PALM: variants seen among roughly 807,000 people sequenced by gnomAD.
PALM encodes paralemmin-1.
Under a neutral mutation model 30.7 loss-of-function variants are expected in PALM, and 18 were observed. That is an observed-to-expected ratio of 0.59 (90% CI 0.41 to 0.87). The LOEUF is 0.87. Among genes scored for constraint, PALM ranks in the 40% least tolerant of loss-of-function variants. The probability of loss-of-function intolerance (pLI) is 0.00; values close to 1 mark genes in which losing one functional copy is unlikely to be tolerated. For missense variants in PALM, 529 were observed against 555.4 expected (o/e 0.95, Z 0.48); for synonymous variants, 286 against 242.8 (o/e 1.18, Z -1.66).
chr19:710,156 C>T (rs1322709818), intron 1 of PALM, among the ~76,000 whole-genome samples: 1 of 152,126 alleles, frequency 6.6e-6, no homozygotes, highest in African/African-American at 2.4e-5. Context: ...GATCTGGAGG[C>T]CGCCTGTGGC....
intron 7 of PALM, among the ~76,000 whole-genome samples, chr19:738,622 A>T (rs2033094723): frequency 6.6e-6 from 1 of 151,708 alleles, no homozygotes; most frequent in South Asian, 2.1e-4. Context: ...AGTGTTATGG[A>T]CGTGTGAGAG....
chr19:746,774 A>G lies in PALM; in HGVS notation c.1124A>G (p.Asp375Gly), dbSNP rs1482984496. The G allele has an allele frequency of 3.2e-6, 5 of 1,583,860 alleles. No individual in the cohort carries two copies. The East Asian group carries it at 1.1e-4, about 36-fold the overall frequency. Reference sequence around the variant, plus strand: ...ACCACCAGCGACCCCCAGGACCTCGACATGAAGAAGCACCGTTGTAAATGC... The same window carrying G: ...ACCACCAGCGACCCCCAGGACCTCGGCATGAAGAAGCACCGTTGTAAATGC... ...EATTSDPQDL[D>G]MKKHRCKCCS... Residue 375 changes from aspartate to glycine, a missense_variant, in exon 9 of 9, where the codon GAC becomes GGC. Physicochemically the swap from Asp to Gly is moderately conservative, Grantham distance 94. Transcript: ENST00000338448. This position sits in a 1 kb window ranked among gnomAD's most constrained non-coding sequence, Gnocchi z 7.1.
chr19:734,941 A>T, intron 6 of PALM: 1 of 406,636 alleles, frequency 2.5e-6, no homozygotes, highest in Non-Finnish European at 3.3e-6. Flanking sequence ...GTTGTGTGTT[A>T]ATTATTCATA....
intron 5 of PALM, among the ~76,000 whole-genome samples, chr19:733,300 G>C (rs898153669): frequency 6.6e-6 from 1 of 152,198 alleles, no homozygotes; most frequent in South Asian, 2.1e-4. Context: ...GCATGGACTA[G>C]TGCTGTCATG....
intron 7 of PALM, among the ~76,000 whole-genome samples, 188 bp from the exon 8 acceptor site, chr19:740,164 G>A (rs1024651165): frequency 6.6e-6 from 1 of 152,214 alleles, no homozygotes; most frequent in Non-Finnish European, 1.5e-5. Flanking sequence ...CAGGCACTGG[G>A]GAGCTATGGA....
intron 7 of PALM, among the ~76,000 whole-genome samples, chr19:737,867 G>A (rs1019160163): frequency 4.6e-5 from 7 of 152,092 alleles, no homozygotes; most frequent in Admixed American, 6.6e-5. Context: ...GGCTTTTCCC[G>A]GGAGGGAGGC....
chr19:734,057 G>A (rs931611019), intron 5 of PALM, 116 bp from the exon 6 acceptor site: 3 of 832,130 alleles, frequency 3.6e-6, no homozygotes, highest in Non-Finnish European at 6.1e-6. Context: ...ATGAGAAGCG[G>A]GTGCGTATGA....
intron 1 of PALM, among the ~76,000 whole-genome samples, chr19:713,324 G>T (rs999736356): frequency 2.6e-5 from 4 of 152,108 alleles, no homozygotes; most frequent in African/African-American, 9.7e-5. Context: ...CTGTGATTTG[G>T]GAGAGGAGTG....
At chr19:731,859 C>T (rs1420243026) in intron 5 of PALM, among the ~76,000 whole-genome samples, 8 of 151,650 alleles carry the variant, frequency 5.3e-5, no homozygotes, top group African/African-American at 1.9e-4. Flanking sequence ...ATGAGGTTTC[C>T]CCATGTTGGC....
At chr19:735,928 A>G in intron 6 of PALM, 91 bp from the exon 7 acceptor site, 1 of 1,052,034 alleles carries the variant, frequency 9.5e-7, no homozygotes, top group Non-Finnish European at 1.4e-6. Flanking sequence ...GTCCGGATGC[A>G]CTTCTGTGAA....
intron 8 of PALM, among the ~76,000 whole-genome samples, chr19:744,896 AGCAGC>A (rs1568235105): frequency 2.7e-5 from 4 of 148,676 alleles, no homozygotes; most frequent in Non-Finnish European, 1.5e-5. Flanking sequence ...AAAAAAAAAA[AGCAGC>A]AGGCACGGTG....
At chr19:737,269 G>C (rs957700070) in intron 7 of PALM, among the ~76,000 whole-genome samples, 1 of 152,222 alleles carries the variant, frequency 6.6e-6, no homozygotes, top group East Asian at 1.9e-4. Context: ...CAGACACCGA[G>C]GCCCAGGTCC....
rs1247811598 is a variant in PALM at position 712,867 on chromosome 19, G to C, written c.5+3716G>C. Among the ~76,000 whole-genome samples, 3 of 152,178 alleles carry C rather than the reference G, an allele frequency of 2.0e-5. No homozygotes were observed. The East Asian group carries it at 5.8e-4, about 29-fold the overall frequency. On this transcript the variant is annotated intron_variant, in intron 1 of 8. Transcript: ENST00000338448. ...ATTTTTGTATTTTTAGTAGAGACAA[G>C]GTTTCGCCATGTTGGGCAGGCTGGT... is the stretch of plus-strand genomic sequence containing the variant.
rs892778485 is a variant in PALM, at chr19:746,822, C to T, written c.*8C>T. The T allele has an allele frequency of 2.0e-6, 3 of 1,493,152 alleles. No homozygotes were observed. The highest frequency in any genetic ancestry group is 2.7e-6 in the Non-Finnish European group (3 of 1,120,706). 92.5% of individuals were successfully genotyped at this position (1,493,152 alleles called of 1,614,324 possible). ...TGCTGCTCCATCATGTGAGCCGGCC[C>T]CCGAGACCCCGGCCCCCACCCCACA... On this transcript the variant is annotated 3_prime_UTR_variant, in exon 9 of 9. Coordinates refer to ENST00000338448, the MANE Select transcript of PALM (RefSeq NM_002579.3). This position sits in a 1 kb window ranked among gnomAD's most constrained non-coding sequence, Gnocchi z 7.1.
rs2031989421 is a variant in PALM, at chr19:709,248, G to T, written c.5+97G>T. The T allele has an allele frequency of 3.6e-6, 1 of 278,068 alleles. No individual in the cohort carries two copies. The allele number at this position is 278,068 out of a possible 1,614,324, so 17.2% of individuals were successfully genotyped here. A position where few individuals can be genotyped will look rare whatever the true frequency, so the allele number is the denominator to read the frequency against. On this transcript the variant is annotated intron_variant, in intron 1 of 8. Coordinates refer to ENST00000338448, the MANE Select transcript of PALM (RefSeq NM_002579.3). The surrounding 1 kb of genome is among the most constrained non-coding windows in gnomAD (Gnocchi z 4.3). ...TCTCTCGCGCCCCATTGGGGGCGTCGCTGCCCCCGCGAGGAGCAGGAGGCG... is the reference window on the plus strand; with the variant it reads ...TCTCTCGCGCCCCATTGGGGGCGTCTCTGCCCCCGCGAGGAGCAGGAGGCG...
chr19:719,243 G>C (rs1262102595), intron 1 of PALM: 1 of 985,344 alleles, frequency 1.0e-6, no homozygotes, highest in Non-Finnish European at 1.2e-6. Flanking sequence ...CTGCTCGCTG[G>C]GTGACCTTGG....
chr19:713,709 G>A (rs879359313), intron 1 of PALM, among the ~76,000 whole-genome samples: 3 of 151,952 alleles, frequency 2.0e-5, no homozygotes, highest in African/African-American at 4.8e-5. Flanking sequence ...CTCCCAAGCC[G>A]CTGGGACTAC....
intron 4 of PALM, among the ~76,000 whole-genome samples, chr19:729,701 A>G (rs2032810885): frequency 6.6e-6 from 1 of 151,682 alleles, no homozygotes; most frequent in African/African-American, 2.4e-5. Flanking sequence ...ACCTCAGCTG[A>G]TCCGCCCGCC....
intron 5 of PALM, among the ~76,000 whole-genome samples, chr19:732,030 G>T (rs1246530657): frequency 1.3e-5 from 2 of 151,918 alleles, no homozygotes; most frequent in Admixed American, 1.3e-4. Flanking sequence ...CAGCCAGAGT[G>T]CAGTGGCACA....
Sources: gnomAD v4.1 joint callset for allele counts (sites outside exome capture counted in the v4.1 genomes callset) on GRCh38, gnomAD v4.1.1 for gene constraint, Gnocchi (gnomAD v3.1) non-coding constraint, MANE v1.5 for transcripts, NCBI Gene and HGNC (gene_info 2026-07-23, HGNC 2026-07-21) for gene names.